The following RUSC2 variants were observed in gnomAD, a reference collection of about 807,000 sequenced individuals.
RUSC2 encodes the protein AP-4 complex accessory subunit RUSC2.
Under a neutral mutation model 122.2 loss-of-function variants are expected in RUSC2, and 34 were observed. The ratio of observed to expected loss-of-function variants is 0.28; its 90% CI spans 0.21 to 0.37. RUSC2 has a LOEUF of 0.37. RUSC2 is among the 10% of genes least tolerant of loss of function. The probability of loss-of-function intolerance (pLI) is 1.00; values close to 1 mark genes in which losing one functional copy is unlikely to be tolerated. For synonymous variants in RUSC2, 784 were observed against 790.0 expected, an observed-to-expected ratio of 0.99 and a Z score of 0.13; for missense variants, 1,747 against 1,952.4, an observed-to-expected ratio of 0.89 and a Z score of 1.98.
chr9:35,512,279 C>T (rs1356309199), intron 1 of RUSC2, among the ~76,000 whole-genome samples: 2 of 152,142 alleles, frequency 1.3e-5, no homozygotes, highest in Admixed American at 6.5e-5. Flanking sequence ...AGAATATTTT[C>T]ATCTAATTTT....
chr9:35,528,799 A>G (rs921688738), intron 1 of RUSC2, among the ~76,000 whole-genome samples: 1 of 152,152 alleles, frequency 6.6e-6, no homozygotes, highest in Admixed American at 6.5e-5. Context: ...AAATTAGCTT[A>G]AAAGGGCCGG....
intron 1 of RUSC2, among the ~76,000 whole-genome samples, chr9:35,525,753 C>T (rs1167336500): frequency 4.6e-5 from 7 of 151,984 alleles, no homozygotes; most frequent in Admixed American, 2.0e-4. Context: ...GAGCCGAGAT[C>T]GCACCACTGC....
Position 35,546,193 on chromosome 9 carries a change from A to G in RUSC2, c.-92-237A>G, listed in dbSNP as rs1359522781. Among the ~76,000 whole-genome samples, 1 of 152,198 alleles carries G rather than the reference A, an allele frequency of 6.6e-6. No homozygotes were observed. Among genetic ancestry groups the G allele is most frequent in the Admixed American group, 6.5e-5 (1 of 15,278 alleles). On this transcript the variant is annotated intron_variant, in intron 1 of 11. Transcript: ENST00000361226. This position sits in a 1 kb window ranked among gnomAD's most constrained non-coding sequence, Gnocchi z 4.3. Reference sequence around the variant, plus strand: ...CATTAGAAGGACTTGGCCTTTTGTCATAATTTGATGCATAGTGACCTTAAA... The same window carrying G: ...CATTAGAAGGACTTGGCCTTTTGTCGTAATTTGATGCATAGTGACCTTAAA...
chr9:35,543,406 A>G (rs1821683120), intron 1 of RUSC2, among the ~76,000 whole-genome samples: 1 of 152,196 alleles, frequency 6.6e-6, no homozygotes, highest in South Asian at 2.1e-4. Flanking sequence ...TCGGTGATAG[A>G]GTGAGAACCT....
In RUSC2 at chr9:35,547,498, C is replaced by G; in HGVS notation, c.977C>G (p.Pro326Arg). 1 of 1,614,152 alleles carries G rather than the reference C, an allele frequency of 6.2e-7. No individual in the cohort carries two copies. Among genetic ancestry groups the G allele is most frequent in the South Asian group, 1.1e-5 (1 of 91,074 alleles). ...DPGAFYLDLQ[P>R]SPFESKMSYE... ...GGCGCCTTCTATCTGGATCTGCAGC[C>G]CTCCCCATTTGAGTCTAAGATGTCT... The change falls in exon 2 of 12, where the codon CCC becomes CGC. Residue 326 changes from proline to arginine, a missense_variant. Pro to Arg is a moderately radical substitution (Grantham distance 103). Coordinates refer to ENST00000361226, the MANE Select transcript of RUSC2 (RefSeq NM_014806.5). This position sits in a 1 kb window ranked among gnomAD's most constrained non-coding sequence, Gnocchi z 4.6.
At chr9:35,540,804 A>G (rs987990111) in intron 1 of RUSC2, among the ~76,000 whole-genome samples, 8 of 152,170 alleles carry the variant, frequency 5.3e-5, no homozygotes, top group East Asian at 1.9e-4. Context: ...TGTGGCCCCA[A>G]TCATTTTCTT....
chr9:35,499,558 G>C (rs1564242527), intron 1 of RUSC2, among the ~76,000 whole-genome samples: 1 of 152,052 alleles, frequency 6.6e-6, no homozygotes, highest in Non-Finnish European at 1.5e-5. Context: ...TGATAACTGG[G>C]TGGAAAGAAA....
chr9:35,496,085 ACT>A (rs1216362158), intron 1 of RUSC2, among the ~76,000 whole-genome samples: 1 of 152,040 alleles, frequency 6.6e-6, no homozygotes, highest in Non-Finnish European at 1.5e-5. Flanking sequence ...AACCAGAGAA[ACT>A]CTCGAGTCAG....
At chr9:35,502,874 T>G (rs1820842295) in intron 1 of RUSC2, among the ~76,000 whole-genome samples, 1 of 152,186 alleles carries the variant, frequency 6.6e-6, no homozygotes, top group African/African-American at 2.4e-5. Flanking sequence ...GTTTTTGTTT[T>G]TTTGAGACGG....
In RUSC2 at chr9:35,499,278, C is replaced by T. The variant is rs1564242423; in HGVS notation, c.-93+9106C>T. On this transcript the variant is annotated intron_variant, in intron 1 of 11. Coordinates refer to ENST00000361226, the MANE Select transcript of RUSC2 (RefSeq NM_014806.5). ...CTCCAGCCTGGGCGACAGAGTGAAA[C>T]TCTCAAAAACAAAAACAAAAAACAA... 3.3e-5 allele frequency among the ~76,000 whole-genome samples: 5 copies of T among 151,852 alleles called. No homozygotes were observed. In the South Asian group the frequency reaches 1.0e-3, roughly 31 times the overall value.
intron 1 of RUSC2, among the ~76,000 whole-genome samples, chr9:35,543,952 T>G (rs1821694232): frequency 6.6e-6 from 1 of 152,236 alleles, no homozygotes; most frequent in South Asian, 2.1e-4. Flanking sequence ...TGTTTTCATT[T>G]TTCTTGGGTA....
At chr9:35,524,105 C>CTTGAGGCCAGGAGT (rs1234050724) in intron 1 of RUSC2, among the ~76,000 whole-genome samples, 1 of 152,012 alleles carries the variant, frequency 6.6e-6, no homozygotes, top group Non-Finnish European at 1.5e-5. Context: ...GGGTGGATCA[C>CTTGAGGCCAGGAGT]TTGAGGCCAG....
intron 1 of RUSC2, among the ~76,000 whole-genome samples, chr9:35,535,436 GA>G (rs1254395241): frequency 1.9e-5 from 1 of 52,626 alleles, no homozygotes; most frequent in Non-Finnish European, 6.3e-5. Context: ...CTTTTTGATA[GA>G]TTTTTTTTTT....
chr9:35,547,682 C>T lies in RUSC2; in HGVS notation c.1161C>T (p.Ala387=). The part of the protein sequence containing the change: ...ADLTACFQSQ[A]RLVVATQNYY... ...TCACAGCCTGCTTCCAAAGCCAGGCCCGTCTTGTTGTGGCCACACAAAATT... is the reference window on the plus strand; with the variant it reads ...TCACAGCCTGCTTCCAAAGCCAGGCTCGTCTTGTTGTGGCCACACAAAATT... Residue 387 remains alanine (A), a synonymous_variant, in exon 2 of 12, where the codon GCC becomes GCT. Transcript: ENST00000361226. This position sits in a 1 kb window ranked among gnomAD's most constrained non-coding sequence, Gnocchi z 4.6. 6 of 1,614,188 alleles carry T rather than the reference C, an allele frequency of 3.7e-6. No homozygotes were observed. The highest frequency in any genetic ancestry group is 5.1e-6 in the Non-Finnish European group (6 of 1,180,044).
rs781091436 is a variant in RUSC2 at position 35,560,254 on chromosome 9, C to T, written c.3614C>T (p.Thr1205Met). Residue 1205 changes from threonine (T) to methionine (M), a missense_variant, in exon 10 of 12, where the codon ACG (threonine) becomes ATG (methionine). Transcript: ENST00000361226. ...SQDLLLSAHS[T>M]LQLARARGQE... ...GACCTGCTGCTGTCTGCCCACTCCA[C>T]GCTGCAGCTGGCCCGGGCCCGGGGC... The T allele has an allele frequency of 1.5e-5, 24 of 1,595,022 alleles. No homozygotes were observed. The highest frequency in any genetic ancestry group is 4.0e-5 in the African/African-American group (3 of 74,770).
rs1338061197 is a variant in RUSC2, at chr9:35,559,136, C to G, written c.3342-90C>G. On this transcript the variant is annotated intron_variant, in intron 8 of 11. Coordinates refer to ENST00000361226, the MANE Select transcript of RUSC2 (RefSeq NM_014806.5). ...TCGTGCCATGGAAGGGCGTGTTCAC[C>G]TATTCTTCCTGTGCCTGACCCCCTG... is the stretch of plus-strand genomic sequence containing the variant. The G allele has an allele frequency of 1.2e-5, 12 of 1,031,358 alleles. No individual in the cohort carries two copies. In the East Asian group the frequency reaches 2.9e-4, roughly 25 times the overall value. 63.9% of individuals were successfully genotyped at this position (1,031,358 alleles called of 1,614,324 possible).
rs1288357115 is a variant in RUSC2, at chr9:35,547,726, G to A, written c.1205G>A (p.Cys402Tyr). ...ATQNYYKLVT[C>Y]DLSSQSSPSP... ...CAAAATTACTATAAACTTGTCACCTGTGACCTATCTTCCCAATCATCCCCA... is the reference window on the plus strand; with the variant it reads ...CAAAATTACTATAAACTTGTCACCTATGACCTATCTTCCCAATCATCCCCA... The change falls in exon 2 of 12, where the codon TGT becomes TAT. Residue 402 changes from cysteine (C) to tyrosine (Y), a missense_variant. By Grantham distance (194) the Cys-to-Tyr change is radical (BLOSUM62 -2). Transcript: ENST00000361226. This position sits in a 1 kb window ranked among gnomAD's most constrained non-coding sequence, Gnocchi z 4.6. The A allele has an allele frequency of 1.9e-6, 3 of 1,614,002 alleles. No homozygotes were observed. Among genetic ancestry groups the A allele is most frequent in the African/African-American group, 2.7e-5 (2 of 74,922 alleles).
intron 1 of RUSC2, among the ~76,000 whole-genome samples, chr9:35,516,022 A>AAAAGAAAAAAAAAAAAG (rs1554724501): frequency 7.9e-6 from 1 of 127,116 alleles, no homozygotes; most frequent in African/African-American, 2.9e-5. Context: ...AAAAAAAAAA[A>AAAAGAAAAAAAAAAAAG]AGAGAAATGC....
At position 35,547,259 on chromosome 9, in the gene RUSC2, G is replaced by A. The variant is rs766002106; in HGVS notation, c.738G>A (p.Gly246=). The change falls in exon 2 of 12, where the codon GGG becomes GGA. Residue 246 remains glycine (G), a synonymous_variant. Coordinates refer to ENST00000361226, the MANE Select transcript of RUSC2 (RefSeq NM_014806.5). This position sits in a 1 kb window ranked among gnomAD's most constrained non-coding sequence, Gnocchi z 4.6. ...GGAACCCTGGATGCTCCGGCTCAGG[G>A]GACCAGCACTGCCGCTGCAGTAGCA... ...SPRNPGCSGS[G]DQHCRCSSTS... The A allele has an allele frequency of 1.2e-6, 2 of 1,614,048 alleles. No homozygotes were observed. The highest frequency in any genetic ancestry group is 4.5e-5 in the East Asian group (2 of 44,886).
Sources: allele counts gnomAD v4.1 joint callset (sites outside exome capture counted in the v4.1 genomes callset), GRCh38; gene constraint gnomAD v4.1.1; non-coding constraint Gnocchi (gnomAD v3.1); transcripts MANE v1.5; gene names NCBI Gene and HGNC (gene_info 2026-07-23, HGNC 2026-07-21).